Variants in UST observed in about 807,000 individuals in gnomAD.
UST encodes uronyl 2-sulfotransferase, also known as chondroitin sulfate 2-O-sulfotransferase.
Under a neutral mutation model 45.6 loss-of-function variants are expected in UST, and 21 were observed. The observed-to-expected ratio is 0.46, with a 90% CI of 0.33 to 0.66. UST has a LOEUF of 0.66. UST is among the 30% of genes least tolerant of loss of function. The probability of loss-of-function intolerance (pLI) is 0.02; values close to 1 mark genes in which losing one functional copy is unlikely to be tolerated. For missense variants in UST, 463 were observed against 512.4 expected, an observed-to-expected ratio of 0.90 and a Z score of 0.93; for synonymous variants, 215 against 200.6, an observed-to-expected ratio of 1.07 and a Z score of -0.61.
intron 7 of UST, among the ~76,000 whole-genome samples, chr6:149,068,900 C>G (rs1403753092): frequency 2.0e-5 from 3 of 152,190 alleles, no homozygotes. Flanking sequence ...GCTCTCCAAC[C>G]CAGACATCCT....
intron 2 of UST, among the ~76,000 whole-genome samples, chr6:148,907,525 A>C (rs770954142): frequency 2.6e-5 from 4 of 152,180 alleles, no homozygotes; most frequent in Non-Finnish European, 1.5e-5. Flanking sequence ...TTCTCTGTAA[A>C]GATCAAGAAT....
intron 2 of UST, among the ~76,000 whole-genome samples, chr6:148,928,093 C>G (rs1038610515): frequency 6.6e-6 from 1 of 151,890 alleles, no homozygotes; most frequent in Non-Finnish European, 1.5e-5. Flanking sequence ...TACCCAGACT[C>G]TGACCCAAGC....
chr6:148,763,458 T>A (rs1776259266), intron 1 of UST, among the ~76,000 whole-genome samples: 1 of 152,196 alleles, frequency 6.6e-6, no homozygotes. Context: ...TTTCTGCAAG[T>A]TGTTTGTTTA....
At chr6:149,030,098 T>C (rs188308468) in intron 7 of UST, among the ~76,000 whole-genome samples, 20 of 152,280 alleles carry the variant, frequency 1.3e-4, no homozygotes, top group Non-Finnish European at 2.6e-4. Context: ...CCCCTGAAGT[T>C]GAGGAAGACA....
intron 2 of UST, among the ~76,000 whole-genome samples, chr6:148,915,445 A>G (rs562424517): frequency 1.3e-5 from 2 of 151,956 alleles, no homozygotes; most frequent in Non-Finnish European, 2.9e-5. Flanking sequence ...AGAGGGTAGG[A>G]AAAAAAAGCC....
intron 1 of UST, among the ~76,000 whole-genome samples, chr6:148,838,546 T>C (rs1298806303): frequency 6.6e-6 from 1 of 152,174 alleles, no homozygotes; most frequent in Non-Finnish European, 1.5e-5. Flanking sequence ...CTGTTGCTGT[T>C]GCTGCTGGTC....
chr6:148,826,554 A>G (rs534780254), intron 1 of UST, among the ~76,000 whole-genome samples: 3 of 152,188 alleles, frequency 2.0e-5, no homozygotes, highest in South Asian at 2.1e-4. Flanking sequence ...TTTGAACACT[A>G]TTCTTCCTAG....
chr6:148,844,796 T>C (rs80135099), intron 1 of UST, among the ~76,000 whole-genome samples: 15 of 152,246 alleles, frequency 9.9e-5, no homozygotes, highest in African/African-American at 3.6e-4. Context: ...TTCCTGCCCC[T>C]GTAGTAGGTT....
At chr6:148,981,062 A>T (rs1216920923) in intron 5 of UST, among the ~76,000 whole-genome samples, 1 of 151,930 alleles carries the variant, frequency 6.6e-6, no homozygotes, top group Non-Finnish European at 1.5e-5. Context: ...TCCACCTCCT[A>T]TCCATCGTTC....
intron 2 of UST, among the ~76,000 whole-genome samples, chr6:148,924,212 T>C (rs556020464): frequency 6.6e-6 from 1 of 152,232 alleles, no homozygotes; most frequent in South Asian, 2.1e-4. Context: ...TTTTAAAGGG[T>C]TGTAATCAAA....
chr6:148,996,584 A>G (rs1781456419), intron 5 of UST, among the ~76,000 whole-genome samples: 5 of 152,246 alleles, frequency 3.3e-5, no homozygotes, highest in Admixed American at 3.3e-4. Context: ...TTGTGTGTCT[A>G]AATGATAAAT....
intron 7 of UST, among the ~76,000 whole-genome samples, chr6:149,051,248 G>A (rs1033644206): frequency 1.3e-5 from 2 of 152,180 alleles, no homozygotes; most frequent in African/African-American, 4.8e-5. Context: ...CAGCCATATC[G>A]ATGGAGAAAC....
chr6:148,923,377 C>T (rs1042451805), intron 2 of UST, among the ~76,000 whole-genome samples: 1 of 152,170 alleles, frequency 6.6e-6, no homozygotes, highest in Non-Finnish European at 1.5e-5. Flanking sequence ...AGTGGATGCA[C>T]CATTTTACAT....
intron 1 of UST, among the ~76,000 whole-genome samples, chr6:148,863,141 A>G (rs1170740088): frequency 1.3e-5 from 2 of 152,028 alleles, no homozygotes; most frequent in African/African-American, 4.8e-5. Context: ...CACCAATCAG[A>G]CGTAGATTTG....
At chr6:148,869,811 T>C (rs555328094) in intron 1 of UST, among the ~76,000 whole-genome samples, 3 of 152,320 alleles carry the variant, frequency 2.0e-5, no homozygotes, top group African/African-American at 7.2e-5. Flanking sequence ...TGATGAGTCA[T>C]TTCTCTGTCA....
chr6:148,882,041 G>T (rs1354502620), intron 1 of UST, among the ~76,000 whole-genome samples: 1 of 152,090 alleles, frequency 6.6e-6, no homozygotes, highest in African/African-American at 2.4e-5. Flanking sequence ...TCTTATAAGG[G>T]CAAAGCATTT....
intron 1 of UST, among the ~76,000 whole-genome samples, chr6:148,831,596 C>T (rs1777688358): frequency 6.6e-6 from 1 of 152,218 alleles, no homozygotes; most frequent in South Asian, 2.1e-4. Context: ...CTAACAGTAA[C>T]CCTCAGAGAT....
intron 1 of UST, among the ~76,000 whole-genome samples, chr6:148,761,314 C>T (rs1432064168): frequency 1.3e-5 from 2 of 152,154 alleles, no homozygotes; most frequent in Non-Finnish European, 2.9e-5. Context: ...CCGCCTCCCT[C>T]CATCTACCAC....
chr6:148,862,183 G>A (rs1380014170), intron 1 of UST, among the ~76,000 whole-genome samples: 1 of 152,192 alleles, frequency 6.6e-6, no homozygotes, highest in Non-Finnish European at 1.5e-5. Flanking sequence ...GGGTGCTCCT[G>A]TATTGGGTGC....
Sources: gnomAD v4.1 joint callset for allele counts (sites outside exome capture counted in the v4.1 genomes callset) on GRCh38, gnomAD v4.1.1 for gene constraint, MANE v1.5 for transcripts, NCBI Gene and HGNC (gene_info 2026-07-23, HGNC 2026-07-21) for gene names.